CHRNB4: variants seen among roughly 807,000 people sequenced by gnomAD.
The protein encoded by CHRNB4 is neuronal acetylcholine receptor subunit beta-4.
A neutral mutation model predicts 40.4 loss-of-function variants in CHRNB4; 23 were observed. That is an observed-to-expected ratio of 0.57 (90% CI 0.41 to 0.81). The LOEUF (loss-of-function observed/expected upper bound fraction) is 0.81. Ranked by LOEUF, CHRNB4 falls within the 30% of genes least tolerant of loss-of-function variation. The pLI, the probability that CHRNB4 is intolerant of heterozygous loss-of-function variation, is 0.00. For synonymous variants in CHRNB4, 285 were observed against 274.4 expected (o/e 1.04, Z -0.38); for missense variants, 568 against 670.6 (o/e 0.85, Z 1.69).
chr15:78,633,908 G>A lies in CHRNB4; in HGVS notation c.204+1531C>T, dbSNP rs72743157. 9.8e-3 allele frequency among the ~76,000 whole-genome samples: 1,459 copies of A among 148,340 alleles called. 21 individuals carry two copies. Among genetic ancestry groups the A allele is most frequent in the Non-Finnish European group, 0.017 (1,160 of 66,962 alleles). ...GCAGGGGAGCAGGTGGAAGGGTCAG[G>A]GAATAAGGGGGGCTGGAGAGGTGGG... On this transcript the variant is annotated intron_variant, in intron 2 of 5. Transcript: ENST00000261751.
At chr15:78,630,203 A>G (rs1435013026) in intron 4 of CHRNB4, among the ~76,000 whole-genome samples, 1 of 151,280 alleles carries the variant, frequency 6.6e-6, no homozygotes, top group Non-Finnish European at 1.5e-5. Flanking sequence ...CAATGGTGCA[A>G]TCTCGGCTCA....
chr15:78,627,776 G>A (rs2141363181), intron 5 of CHRNB4: 1 of 152,344 alleles, frequency 6.6e-6, no homozygotes, highest in African/African-American at 2.4e-5. Context: ...ATTGTCCTTA[G>A]AAGTGTTATT....
intron 2 of CHRNB4, among the ~76,000 whole-genome samples, chr15:78,632,241 C>T (rs62010819): frequency 8.1e-5 from 7 of 86,884 alleles, no homozygotes; most frequent in African/African-American, 4.0e-4. Context: ...CTCTCTCTCT[C>T]TCTCTCTCTC....
chr15:78,631,493 G>A (rs533804041), intron 2 of CHRNB4, among the ~76,000 whole-genome samples, 161 bp from the exon 3 acceptor site: 5 of 152,300 alleles, frequency 3.3e-5, no homozygotes, highest in Non-Finnish European at 5.9e-5. Context: ...CAGCATGTTT[G>A]ACACAAAGCT....
chr15:78,631,001 C>A, intron 4 of CHRNB4, 75 bp downstream of exon 4: 2 of 1,181,360 alleles, frequency 1.7e-6, no homozygotes, highest in Non-Finnish European at 2.5e-6. Context: ...TGGACTCAGG[C>A]CTGGATGACT....
upstream of CHRNB4, chr15:78,661,585 G>GA (rs1247066225): frequency 1.9e-6 from 1 of 520,308 alleles, no homozygotes; most frequent in Non-Finnish European, 3.8e-6. Context: ...TTTGGTCCTT[G>GA]TTGGGGCGGA....
rs1360083365 is a variant in CHRNB4, at chr15:78,624,950, G to C, written c.*183C>G. On this transcript the variant is annotated 3_prime_UTR_variant, in exon 6 of 6. Transcript: ENST00000261751. ...CTGGGGCTTCCTGGGATCCCTCCAA[G>C]GCATTCAGAGAGGACAGCCCAGGCC... is the stretch of plus-strand genomic sequence containing the variant. The C allele has an allele frequency of 2.6e-6, 4 of 1,519,016 alleles. No individual in the cohort carries two copies. Among genetic ancestry groups the C allele is most frequent in the Non-Finnish European group, 1.8e-6 (2 of 1,138,722 alleles). The allele number at this position is 1,519,016 out of a possible 1,614,324, so 94.1% of individuals were successfully genotyped here. A position where few individuals can be genotyped will look rare whatever the true frequency, so the allele number is the denominator to read the frequency against.
intron 5 of CHRNB4, among the ~76,000 whole-genome samples, chr15:78,653,942 G>A: frequency 6.6e-6 from 1 of 152,134 alleles, no homozygotes; most frequent in East Asian, 1.9e-4. Flanking sequence ...CCAGCACCAT[G>A]GAAGGGATGG....
chr15:78,647,436 G>A (rs2054131279), intron 7 of CHRNB4, among the ~76,000 whole-genome samples: 1 of 151,808 alleles, frequency 6.6e-6, no homozygotes, highest in Non-Finnish European at 1.5e-5. Flanking sequence ...AAACTTGAAT[G>A]ACCTGCAAAC....
At chr15:78,633,318 C>T (rs767201796) in intron 2 of CHRNB4, among the ~76,000 whole-genome samples, 23 of 152,102 alleles carry the variant, frequency 1.5e-4, no homozygotes, top group Non-Finnish European at 3.4e-4. Context: ...AATTCATGTC[C>T]CTCTCATGTT....
At chr15:78,634,323 G>A (rs539072128) in intron 2 of CHRNB4, among the ~76,000 whole-genome samples, 3 of 152,300 alleles carry the variant, frequency 2.0e-5, no homozygotes, top group Admixed American at 6.5e-5. Context: ...CAGCTGCACC[G>A]CAGCAGCTGG....
chr15:78,625,247 C>G lies in CHRNB4; in HGVS notation c.1383G>C (p.Leu461=), dbSNP rs1266273758. 1.9e-6 allele frequency: 3 copies of G among 1,569,128 alleles called. No individual in the cohort carries two copies. The highest frequency in any genetic ancestry group is 2.6e-6 in the Non-Finnish European group (3 of 1,158,754). The change falls in exon 6 of 6, where the codon CTG becomes CTC. Residue 461 remains leucine (L), a synonymous_variant. Transcript: ENST00000261751. ...WKYVAMVVDR[L]FLWVFMFVCV... ...ACACAAACATGAACACCCACAGGAACAGCCGGTCCACCACCATAGCCACGT... is the reference window on the plus strand; with the variant it reads ...ACACAAACATGAACACCCACAGGAAGAGCCGGTCCACCACCATAGCCACGT...
chr15:78,655,896 C>A (rs914922844), intron 4 of CHRNB4, among the ~76,000 whole-genome samples: 1 of 152,062 alleles, frequency 6.6e-6, no homozygotes, highest in Admixed American at 6.6e-5. Context: ...TTATTTAGTT[C>A]CTCTTCAATT....
chr15:78,627,189 C>T (rs534432050), intron 5 of CHRNB4: 4 of 152,316 alleles, frequency 2.6e-5, no homozygotes, highest in Admixed American at 2.0e-4. Flanking sequence ...AATGATTTAA[C>T]CTAAGTAATA....
intron 1 of CHRNB4, among the ~76,000 whole-genome samples, chr15:78,640,197 T>A (rs1187739740): frequency 6.6e-6 from 1 of 152,198 alleles, no homozygotes; most frequent in Non-Finnish European, 1.5e-5. Context: ...GGTGGGTCTC[T>A]ATCCAAGGAA....
intron 4 of CHRNB4, 73 bp downstream of exon 4, chr15:78,631,003 T>A: frequency 8.2e-7 from 1 of 1,212,736 alleles, no homozygotes; most frequent in East Asian, 2.3e-5. Flanking sequence ...GACTCAGGCC[T>A]GGATGACTCT....
upstream of CHRNB4, among the ~76,000 whole-genome samples, chr15:78,643,785 A>G (rs954586257): frequency 1.2e-4 from 18 of 152,178 alleles, no homozygotes; most frequent in African/African-American, 4.3e-4. Context: ...ATTCAAGATC[A>G]TCTTTAAAAA....
chr15:78,631,169 C>G lies in CHRNB4; in HGVS notation c.266G>C (p.Arg89Pro). The G allele has an allele frequency of 6.2e-7, 1 of 1,614,196 alleles. No homozygotes were observed. Among genetic ancestry groups the G allele is most frequent in the Non-Finnish European group, 8.5e-7 (1 of 1,180,024 alleles). ...GTAGCGGGAGCTGTTCCAGGTCAGGCGGTAATCAGTCCATTCCTGGACAGA... is the reference window on the plus strand; with the variant it reads ...GTAGCGGGAGCTGTTCCAGGTCAGGGGGTAATCAGTCCATTCCTGGACAGA... ...VWLKQEWTDYRLTWNSSRYEG... is the reference protein window; with the variant it reads ...VWLKQEWTDYPLTWNSSRYEG... Residue 89 changes from arginine (R) to proline (P), a missense_variant, in exon 4 of 6, where the codon CGC (arginine) becomes CCC (proline). Arg to Pro is a moderately radical substitution (Grantham distance 103, BLOSUM62 -2). Transcript: ENST00000261751.
rs182243169 is a variant in CHRNB4, at chr15:78,630,734, G to A, written c.359+342C>T. On this transcript the variant is annotated intron_variant, in intron 4 of 5. Transcript: ENST00000261751. The stretch of plus-strand genomic sequence containing the variant: ...TGCCTAAGATATTTACACACAGTAA[G>A]TCAGTGGTACCAACACCAACACTGG... Among the ~76,000 whole-genome samples, 223 of 152,346 alleles carry A rather than the reference G, an allele frequency of 1.5e-3. 2 individuals carry two copies. The highest frequency in any genetic ancestry group is 0.01 in the Middle Eastern group (3 of 294).
Sources: gnomAD v4.1 joint callset for allele counts (sites outside exome capture counted in the v4.1 genomes callset) on GRCh38, gnomAD v4.1.1 for gene constraint, MANE v1.5 for transcripts, NCBI Gene and HGNC (gene_info 2026-07-23, HGNC 2026-07-21) for gene names.